The following PTS variants were observed in gnomAD, a reference collection of about 807,000 sequenced individuals.
PTS encodes the protein 6-pyruvoyl tetrahydrobiopterin synthase.
In PTS, 23 loss-of-function variants were observed where a neutral mutation model predicts 20.6. That is an observed-to-expected ratio of 1.12 (90% CI 0.80 to 1.58). The LOEUF (loss-of-function observed/expected upper bound fraction) is 1.58. PTS is among the 40% of genes most tolerant of loss of function. PTS has a pLI of 0.00. For synonymous variants in PTS, 65 were observed against 62.5 expected, an observed-to-expected ratio of 1.04 and a Z score of -0.19; for missense variants, 186 against 182.4, an observed-to-expected ratio of 1.02 and a Z score of -0.11.
chr11:112,229,976 G>C, intron 2 of PTS: 1 of 583,350 alleles, frequency 1.7e-6, no homozygotes. Context: ...CCTCTGCTTA[G>C]CCAACATTCC....
At chr11:112,230,057 A>C in intron 2 of PTS, 151 bp from the exon 3 acceptor site, 1 of 781,012 alleles carries the variant, frequency 1.3e-6, no homozygotes, top group Non-Finnish European at 2.2e-6. Context: ...AAAATAACAG[A>C]TGTTTTGGGG....
At chr11:112,228,874 T>C (rs2135408371) in intron 2 of PTS, 2 of 611,734 alleles carry the variant, frequency 3.3e-6, no homozygotes, top group East Asian at 5.6e-5. Context: ...CAATGTCAAC[T>C]CTTACAAACA....
intron 4 of PTS, among the ~76,000 whole-genome samples, chr11:112,232,412 T>C (rs1329779220): frequency 3.3e-5 from 5 of 152,224 alleles, no homozygotes; most frequent in Non-Finnish European, 5.9e-5. Context: ...GACTTACTCT[T>C]TTTGTATGAT....
intron 2 of PTS, 25 bp downstream of exon 2, chr11:112,228,698 C>A: frequency 6.3e-7 from 1 of 1,581,082 alleles, no homozygotes; most frequent in Non-Finnish European, 8.7e-7. Flanking sequence ...GATGACATTT[C>A]AGCCCTTCAA....
intron 2 of PTS, among the ~76,000 whole-genome samples, chr11:112,229,873 C>T (rs955736869): frequency 8.5e-5 from 13 of 152,206 alleles, no homozygotes; most frequent in African/African-American, 3.1e-4. Flanking sequence ...AAGACATTTT[C>T]TACTTCTACA....
At chr11:112,226,600 G>A (rs1859868100) in intron 1 of PTS, 74 bp downstream of exon 1, 1 of 1,376,668 alleles carries the variant, frequency 7.3e-7, no homozygotes, top group East Asian at 3.1e-5. Context: ...CGGGGCCGGC[G>A]GGCGTGCTGA....
chr11:112,232,519 C>G (rs187917398), intron 4 of PTS, among the ~76,000 whole-genome samples: 1 of 151,898 alleles, frequency 6.6e-6, no homozygotes, highest in African/African-American at 2.4e-5. Context: ...TTCACAGATG[C>G]TTAGATTTTT....
At chr11:112,226,842 C>T (rs1859872188) in intron 1 of PTS, among the ~76,000 whole-genome samples, 1 of 151,766 alleles carries the variant, frequency 6.6e-6, no homozygotes, top group Non-Finnish European at 1.5e-5. Flanking sequence ...CCCTAGGAGT[C>T]CCTTGGTGTA....
intron 3 of PTS, 140 bp downstream of exon 3, chr11:112,230,370 C>T (rs1859915045): frequency 2.7e-6 from 3 of 1,094,272 alleles, no homozygotes; most frequent in Non-Finnish European, 4.2e-6. Flanking sequence ...TGGTGAGCTG[C>T]CGCCATTCCA....
chr11:112,230,628 T>G lies in PTS; in HGVS notation c.189T>G (p.Ile63Met). The change falls in exon 4 of 6, where the codon ATT becomes ATG. Residue 63 changes from isoleucine (I) to methionine (M), a missense_variant and splice_region_variant. Physicochemically the swap from Ile to Met is conservative, Grantham distance 10. Transcript: ENST00000280362. Reference protein sequence around the residue: ...YKVVVTVHGEIDPATGMVMNL... With the variant: ...YKVVVTVHGEMDPATGMVMNL... ...ATTCACCTTTGTTTATTCTTTAGAT[T>G]GACCCTGCTACGGGAATGGTTATGA... The G allele has an allele frequency of 6.2e-7, 1 of 1,608,694 alleles. No homozygotes were observed. Among genetic ancestry groups the G allele is most frequent in the Non-Finnish European group, 8.5e-7 (1 of 1,175,048 alleles).
In PTS at chr11:112,226,451, C is replaced by T. The variant is rs961615399; in HGVS notation, c.8C>T (p.Thr3Met). The change falls in exon 1 of 6, where the codon ACG (threonine) becomes ATG (methionine). Residue 3 changes from threonine to methionine, a missense_variant. Thr to Met is a moderately conservative substitution (Grantham distance 81). Coordinates refer to ENST00000280362, the MANE Select transcript of PTS (RefSeq NM_000317.3). ...GCAGACAGCGCCGGGAAGATGAGCACGGAAGGTGGTGGCCGTCGCTGCCAG... is the reference window on the plus strand; with the variant it reads ...GCAGACAGCGCCGGGAAGATGAGCATGGAAGGTGGTGGCCGTCGCTGCCAG... MS[T>M]EGGGRRCQAQ... 6.3e-7 allele frequency: 1 copy of T among 1,579,812 alleles called. No homozygotes were observed. Among genetic ancestry groups the T allele is most frequent in the Non-Finnish European group, 8.6e-7 (1 of 1,165,056 alleles).
At chr11:112,226,632 G>GGGGGCTGCT (rs1471727229) in intron 1 of PTS, 106 bp downstream of exon 1, 3 of 875,488 alleles carry the variant, frequency 3.4e-6, no homozygotes, top group Non-Finnish European at 4.7e-6. Context: ...GGAGGGGCGC[G>GGGGGCTGCT]GGGGCTGCTG....
At position 112,228,676 on chromosome 11, in the gene PTS, G is replaced by A. The variant is rs1859895471; in HGVS notation, c.163+3G>A. On this transcript the variant is annotated splice_donor_region_variant and intron_variant, in intron 2 of 5. Coordinates refer to ENST00000280362, the MANE Select transcript of PTS (RefSeq NM_000317.3). ...TGGCCATGGGCACAATTATAAAGGT[G>A]AGAGAAAAACTGATGACATTTCAGC... 6.2e-7 allele frequency: 1 copy of A among 1,609,828 alleles called. No individual in the cohort carries two copies. The highest frequency in any genetic ancestry group is 2.2e-5 in the East Asian group (1 of 44,822).
chr11:112,232,830 GCTAA>G (rs984955120), intron 4 of PTS, among the ~76,000 whole-genome samples: 2 of 152,166 alleles, frequency 1.3e-5, no homozygotes, highest in African/African-American at 4.8e-5. Context: ...AAATATTTGT[GCTAA>G]CTGTTTGGAC....
chr11:112,233,120 C>T (rs564213590), intron 4 of PTS, 43 bp from the exon 5 acceptor site: 16 of 1,559,214 alleles, frequency 1.0e-5, no homozygotes, highest in Admixed American at 3.3e-5. Context: ...GAATTTGAGT[C>T]GTAAATGGAG....
chr11:112,228,278 A>T, intron 1 of PTS: 2 of 368,876 alleles, frequency 5.4e-6, no homozygotes. Flanking sequence ...GTTACATTGT[A>T]GGCACTCAGT....
Position 112,233,546 on chromosome 11 carries a change from A to G in PTS, c.429A>G (p.Lys143=). Residue 143 remains lysine (K), a synonymous_variant, in exon 6 of 6, where the codon AAA becomes AAG. Coordinates refer to ENST00000280362, the MANE Select transcript of PTS (RefSeq NM_000317.3). ...CTGACAATAATATTGTGGTTTATAA[A>G]GGAGAATAGCTATTGGGGTTAGCAT... The part of the protein sequence containing the change: ...YETDNNIVVY[K]GE The G allele has an allele frequency of 6.2e-7, 1 of 1,613,756 alleles. No homozygotes were observed. The highest frequency in any genetic ancestry group is 8.5e-7 in the Non-Finnish European group (1 of 1,179,852).
chr11:112,231,009 A>ACTGT (rs1338259385), intron 4 of PTS, among the ~76,000 whole-genome samples: 2 of 148,196 alleles, frequency 1.3e-5, no homozygotes, highest in African/African-American at 5.0e-5. Flanking sequence ...CTTGAGACTT[A>ACTGT]CTGTCTTTCT....
At chr11:112,230,559 A>C in intron 3 of PTS, 67 bp from the exon 4 acceptor site, 1 of 1,371,668 alleles carries the variant, frequency 7.3e-7, no homozygotes, top group Non-Finnish European at 1.0e-6. Context: ...TACTGCCTTT[A>C]ATAATTTGCC....
Sources: gnomAD v4.1 joint callset for allele counts (sites outside exome capture counted in the v4.1 genomes callset) on GRCh38, gnomAD v4.1.1 for gene constraint, MANE v1.5 for transcripts, NCBI Gene and HGNC (gene_info 2026-07-23, HGNC 2026-07-21) for gene names.